ROBO2: variants seen among roughly 807,000 people sequenced by gnomAD.
ROBO2 encodes the protein roundabout homolog 2.
ROBO2 carries 53 observed loss-of-function variants against 160.8 expected under a neutral mutation model. The ratio of observed to expected loss-of-function variants is 0.33; its 90% CI spans 0.26 to 0.41. ROBO2 has a LOEUF of 0.41. Among genes scored for constraint, ROBO2 ranks in the 10% least tolerant of loss-of-function variants. ROBO2 has a pLI of 1.00. For synonymous variants in ROBO2, 664 were observed against 611.7 expected, an observed-to-expected ratio of 1.09 and a Z score of -1.26; for missense variants, 1,577 against 1,722.4, an observed-to-expected ratio of 0.92 and a Z score of 1.49.
intron 1 of ROBO2, among the ~76,000 whole-genome samples, chr3:77,068,957 T>G (rs938457412): frequency 2.0e-5 from 3 of 152,186 alleles, no homozygotes; most frequent in African/African-American, 7.2e-5. Context: ...CATAAAATTT[T>G]TATTCGGTTG....
chr3:76,020,447 A>G (rs945762925), intron 2 of ROBO2, among the ~76,000 whole-genome samples: 5 of 151,148 alleles, frequency 3.3e-5, no homozygotes, highest in Non-Finnish European at 7.4e-5. Flanking sequence ...ACTTTTTATC[A>G]CTTTTTCTGC....
At chr3:76,797,080 C>A (rs769069731) in intron 2 of ROBO2, among the ~76,000 whole-genome samples, 1 of 152,082 alleles carries the variant, frequency 6.6e-6, no homozygotes, top group Non-Finnish European at 1.5e-5. Context: ...ATCTAATCTG[C>A]ACTATAAATC....
chr3:76,535,110 G>A (rs1011399885), intron 2 of ROBO2, among the ~76,000 whole-genome samples: 9 of 151,992 alleles, frequency 5.9e-5, no homozygotes, highest in African/African-American at 2.2e-4. Flanking sequence ...GGGATGCAAG[G>A]GGTTGGTAAA....
intron 5 of ROBO2, among the ~76,000 whole-genome samples, chr3:77,506,488 G>T (rs2088553655): frequency 6.6e-6 from 1 of 152,022 alleles, no homozygotes; most frequent in Non-Finnish European, 1.5e-5. Context: ...TAGTCCTTTA[G>T]TGCAGTGATT....
At chr3:76,400,182 A>T (rs909973580) in intron 2 of ROBO2, among the ~76,000 whole-genome samples, 1 of 151,692 alleles carries the variant, frequency 6.6e-6, no homozygotes, top group Non-Finnish European at 1.5e-5. Flanking sequence ...GAATACTTAA[A>T]ATTGAATAAA....
At chr3:76,368,400 C>T (rs922524333) in intron 2 of ROBO2, among the ~76,000 whole-genome samples, 11 of 151,928 alleles carry the variant, frequency 7.2e-5, no homozygotes, top group African/African-American at 2.4e-4. Context: ...ATTTTTTTTA[C>T]TCTATATGTC....
At chr3:76,130,111 A>G (rs957194023) in intron 2 of ROBO2, among the ~76,000 whole-genome samples, 4 of 152,082 alleles carry the variant, frequency 2.6e-5, no homozygotes, top group Admixed American at 2.0e-4. Context: ...ATGTGGAGAG[A>G]TGGGAATTTT....
At chr3:77,412,224 A>G (rs1383866712) in intron 2 of ROBO2, among the ~76,000 whole-genome samples, 1 of 152,190 alleles carries the variant, frequency 6.6e-6, no homozygotes, top group African/African-American at 2.4e-5. Flanking sequence ...CATCCCTGAC[A>G]AAAGGACAAA....
chr3:76,498,881 G>T (rs114865851), intron 2 of ROBO2, among the ~76,000 whole-genome samples: 13,762 of 151,792 alleles, frequency 0.091, 740 homozygotes, highest in Middle Eastern at 0.12. Flanking sequence ...TAGAGAGGGG[G>T]TTTCACCAGG....
intron 1 of ROBO2, among the ~76,000 whole-genome samples, chr3:77,089,302 C>T (rs981746274): frequency 2.0e-5 from 3 of 152,052 alleles, no homozygotes; most frequent in Admixed American, 6.6e-5. Context: ...ATTTTTCCTC[C>T]TCATCTATAA....
At chr3:76,116,145 A>G (rs1272254592) in intron 2 of ROBO2, among the ~76,000 whole-genome samples, 2 of 152,074 alleles carry the variant, frequency 1.3e-5, no homozygotes, top group African/African-American at 2.4e-5. Context: ...TTAGTATAAG[A>G]TCTTGGACAA....
intron 2 of ROBO2, among the ~76,000 whole-genome samples, chr3:76,863,450 AAAAG>A (rs762197674): frequency 0.11 from 16,817 of 149,688 alleles, 1,064 homozygotes; most frequent in East Asian, 0.23. Flanking sequence ...AAAAAAAGAA[AAAAG>A]AAAAGAAAAG....
intron 2 of ROBO2, among the ~76,000 whole-genome samples, chr3:76,746,528 A>C (rs2093895044): frequency 6.6e-6 from 1 of 152,002 alleles, no homozygotes; most frequent in Admixed American, 6.6e-5. Flanking sequence ...TTGCCATTCT[A>C]ATTGGTGTGA....
At chr3:77,217,083 C>G (rs2085076575) in intron 2 of ROBO2, among the ~76,000 whole-genome samples, 1 of 150,610 alleles carries the variant, frequency 6.6e-6, no homozygotes, top group Admixed American at 6.6e-5. Context: ...GGCCCTTAAT[C>G]TTTCTTTCTT....
At chr3:77,039,514 G>A (rs994124468), upstream of ROBO2, among the ~76,000 whole-genome samples, 3 of 152,184 alleles carry the variant, frequency 2.0e-5, no homozygotes, top group African/African-American at 7.2e-5. Flanking sequence ...CAGGAGCCTG[G>A]AGCCCACCTA....
chr3:76,382,959 C>T lies in ROBO2; in HGVS notation c.109+445357C>T, dbSNP rs13076308. ...AGTGAGATTCAGGCTAAGAAACAGA[C>T]GAGAAAAAAGATGGTAATAAAGTTA... On this transcript the variant is annotated intron_variant, in intron 2 of 26. Coordinates refer to the ROBO2 transcript ENST00000487694. Among the ~76,000 whole-genome samples the T allele has an allele frequency of 7.2e-5, 11 of 151,788 alleles. No individual in the cohort carries two copies. In the South Asian group the frequency reaches 1.7e-3, roughly 23 times the overall value.
At chr3:76,196,633 G>A (rs898418069) in intron 2 of ROBO2, among the ~76,000 whole-genome samples, 2 of 152,104 alleles carry the variant, frequency 1.3e-5, no homozygotes, top group East Asian at 1.9e-4. Flanking sequence ...TCTTATTCCT[G>A]TCTTTTTGCA....
chr3:76,739,323 C>A (rs547739498), intron 2 of ROBO2, among the ~76,000 whole-genome samples: 1 of 152,066 alleles, frequency 6.6e-6, no homozygotes, highest in Non-Finnish European at 1.5e-5. Context: ...AGTTCATGTC[C>A]TTTGTAGTGA....
intron 2 of ROBO2, chr3:76,434,902 C>G: frequency 1.3e-6 from 2 of 1,599,902 alleles, no homozygotes; most frequent in Non-Finnish European, 1.7e-6. Flanking sequence ...AAGCCATTCT[C>G]TGCACCTAAA....
Sources: gnomAD v4.1 joint callset for allele counts (sites outside exome capture counted in the v4.1 genomes callset) on GRCh38, gnomAD v4.1.1 for gene constraint, MANE v1.5 for transcripts, NCBI Gene and HGNC (gene_info 2026-07-23, HGNC 2026-07-21) for gene names.